The following PGLYRP2 variants were observed in gnomAD, a reference collection of about 807,000 sequenced individuals.
PGLYRP2 encodes peptidoglycan recognition protein 2, also known as N-acetylmuramoyl-L-alanine amidase.
In PGLYRP2, 38 loss-of-function variants were observed where a neutral mutation model predicts 46.2. The observed-to-expected ratio is 0.82, with a 90% confidence interval of 0.64 to 1.08. The LOEUF (loss-of-function observed/expected upper bound fraction) is 1.08, where lower values mean the gene tolerates loss of function less well. PGLYRP2 is among the 50% of genes least tolerant of loss of function. The pLI, the probability that PGLYRP2 is intolerant of heterozygous loss-of-function variation, is 0.00. For missense variants in PGLYRP2, 713 were observed against 755.9 expected (o/e 0.94, Z 0.67); for synonymous variants, 289 against 329.4 (o/e 0.88, Z 1.33).
At chr19:15,470,304 C>CT (rs145256914) in intron 3 of PGLYRP2, among the ~76,000 whole-genome samples, 5,871 of 118,032 alleles carry the variant, frequency 0.05, 301 homozygotes, top group African/African-American at 0.072. Context: ...TTCTTTCTTT[C>CT]TTTCTTTTTT....
At chr19:15,478,354 A>G (rs75622732) in intron 1 of PGLYRP2, among the ~76,000 whole-genome samples, 22,351 of 152,072 alleles carry the variant, frequency 0.15, 1,796 homozygotes, top group Non-Finnish European at 0.18. Flanking sequence ...CTAAAAAACA[A>G]AAAAAAAGAA....
intron 3 of PGLYRP2, among the ~76,000 whole-genome samples, 191 bp downstream of exon 3, chr19:15,471,699 G>T (rs988608570): frequency 6.6e-6 from 1 of 152,040 alleles, no homozygotes; most frequent in Non-Finnish European, 1.5e-5. Context: ...AGCTATTCCC[G>T]GTCCCTATTA....
At position 15,469,519 on chromosome 19, in the gene PGLYRP2, G is replaced by A; in HGVS notation, c.1641+113C>T. 1 of 1,419,182 alleles carries A rather than the reference G, an allele frequency of 7.0e-7. No homozygotes were observed. The highest frequency in any genetic ancestry group is 9.6e-7 in the Non-Finnish European group (1 of 1,039,122). 87.9% of individuals were successfully genotyped at this position (1,419,182 alleles called of 1,614,324 possible). On this transcript the variant is annotated intron_variant, in intron 4 of 4. Transcript: ENST00000340880. This position sits in a 1 kb window ranked among gnomAD's most constrained non-coding sequence, Gnocchi z 4.9. The stretch of plus-strand genomic sequence containing the variant: ...ATAGACGTGCCGCCGGGAAGTTGGG[G>A]GCCTGGCTGAGGCTGTGCGGGCACA...
rs765847011 is a variant in PGLYRP2 at position 15,476,474 on chromosome 19, G to A, written c.196C>T (p.Leu66Phe). Residue 66 changes from leucine (L) to phenylalanine (F), a missense_variant, in exon 2 of 5, where the codon CTC becomes TTC. Leu to Phe is a conservative substitution (Grantham distance 22). Coordinates refer to ENST00000340880, the MANE Select transcript of PGLYRP2 (RefSeq NM_052890.4). ...CATGCCCCCAGCAGGAAGTGGTAGAGGCGATTGTGGGGGCCAGAGTTTGGA... is the reference window on the plus strand; with the variant it reads ...CATGCCCCCAGCAGGAAGTGGTAGAAGCGATTGTGGGGGCCAGAGTTTGGA... ...SAPNSGPHNR[L>F]YHFLLGAWSL... is the part of the protein sequence containing the mutation. The A allele has an allele frequency of 1.2e-6, 2 of 1,614,204 alleles. No individual in the cohort carries two copies. The highest frequency in any genetic ancestry group is 1.6e-4 in the Middle Eastern group (1 of 6,062).
Position 15,469,113 on chromosome 19 carries a change from A to G in PGLYRP2, c.1642-361T>C. The G allele has an allele frequency of 1.9e-6, 1 of 532,512 alleles. No homozygotes were observed. Among genetic ancestry groups the G allele is most frequent in the Non-Finnish European group, 3.3e-6 (1 of 300,216 alleles). The allele number at this position is 532,512 out of a possible 1,614,324, so 33.0% of individuals were successfully genotyped here. A position where few individuals can be genotyped will look rare whatever the true frequency, so the allele number is the denominator to read the frequency against. On this transcript the variant is annotated intron_variant, in intron 4 of 4. Transcript: ENST00000340880. The surrounding 1 kb of genome is among the most constrained non-coding windows in gnomAD (Gnocchi z 4.9). ...AGAGTTGAGATTGTCTGGACAGAGA[A>G]TTGCAACACAGGATTAAGGACTGGA...
rs1970727748 is a variant in PGLYRP2 at position 15,469,850 on chromosome 19, A to T, written c.1423T>A (p.Ser475Thr). 1 of 1,521,806 alleles carries T rather than the reference A, an allele frequency of 6.6e-7. No individual in the cohort carries two copies. Among genetic ancestry groups the T allele is most frequent in the Non-Finnish European group, 8.7e-7 (1 of 1,145,750 alleles). The allele number at this position is 1,521,806 out of a possible 1,614,324, so 94.3% of individuals were successfully genotyped here. Residue 475 changes from serine (S) to threonine (T), a missense_variant, in exon 4 of 5, where the codon TCC (serine) becomes ACC (threonine). Physicochemically the swap from Ser to Thr is moderately conservative, Grantham distance 58. Coordinates refer to ENST00000340880, the MANE Select transcript of PGLYRP2 (RefSeq NM_052890.4). The surrounding 1 kb of genome is among the most constrained non-coding windows in gnomAD (Gnocchi z 4.9). Reference sequence around the variant, plus strand: ...ACTATGGCCACGCCGAAGCCCCGGGAGTTGTGGCCGAGCGTGTGGGCGCCC... The same window carrying T: ...ACTATGGCCACGCCGAAGCCCCGGGTGTTGTGGCCGAGCGTGTGGGCGCCC... Reference protein sequence around the residue: ...WVGAHTLGHNSRGFGVAIVGN... With the variant: ...WVGAHTLGHNTRGFGVAIVGN...
At chr19:15,479,272 C>T (rs1338941145) in intron 1 of PGLYRP2, 39 bp downstream of exon 1, 5 of 1,608,944 alleles carry the variant, frequency 3.1e-6, no homozygotes, top group South Asian at 2.2e-5. Context: ...TTCTGCAGAG[C>T]CAAGAGGTTT....
intron 2 of PGLYRP2, among the ~76,000 whole-genome samples, chr19:15,474,048 GAC>G (rs1386216421): frequency 6.6e-6 from 1 of 152,060 alleles, no homozygotes; most frequent in Non-Finnish European, 1.5e-5. Flanking sequence ...TTATTAAAAA[GAC>G]AGAAAAGCCG....
chr19:15,470,239 T>TC (rs1568340196), intron 3 of PGLYRP2, among the ~76,000 whole-genome samples: 24 of 130,552 alleles, frequency 1.8e-4, no homozygotes, highest in African/African-American at 2.8e-5. Flanking sequence ...GGGTTTTTTT[T>TC]CTTTCCTTCC....
Position 15,475,999 on chromosome 19 carries a change from G to A in PGLYRP2, c.671C>T (p.Ala224Val). 6.2e-7 allele frequency: 1 copy of A among 1,614,190 alleles called. No homozygotes were observed. Among genetic ancestry groups the A allele is most frequent in the Non-Finnish European group, 8.5e-7 (1 of 1,180,034 alleles). ...GAGGAAGGTCAGGCCCAGGTTTCCA[G>A]CCAGGGTGACTGCCAGGAGGCTGTC... The part of the protein sequence containing the change: ...MVDSLLAVTL[A>V]GNLGLTFLRG... The change falls in exon 2 of 5, where the codon GCT (alanine) becomes GTT (valine). Residue 224 changes from alanine to valine, a missense_variant. Physicochemically the swap from Ala to Val is moderately conservative, Grantham distance 64. Transcript: ENST00000340880.
At position 15,469,789 on chromosome 19, in the gene PGLYRP2, G is replaced by A. The variant is rs1178709822; in HGVS notation, c.1484C>T (p.Ala495Val). The part of the protein sequence containing the change: ...NYTAALPTEA[A>V]LRTVRDTLPS... ...GAGCGTGTCGCGCACCGTGCGCAGA[G>A]CGGCCTCGGTGGGCAGCGCCGCGGT... Residue 495 changes from alanine to valine, a missense_variant, in exon 4 of 5, where the codon GCT becomes GTT. Ala to Val is a moderately conservative substitution (Grantham distance 64, BLOSUM62 0). Coordinates refer to ENST00000340880, the MANE Select transcript of PGLYRP2 (RefSeq NM_052890.4). This position sits in a 1 kb window ranked among gnomAD's most constrained non-coding sequence, Gnocchi z 4.9. 1 of 1,513,438 alleles carries A rather than the reference G, an allele frequency of 6.6e-7. No individual in the cohort carries two copies. Among genetic ancestry groups the A allele is most frequent in the African/African-American group, 1.4e-5 (1 of 69,792 alleles). 93.8% of individuals were successfully genotyped at this position (1,513,438 alleles called of 1,614,324 possible).
At chr19:15,476,846 C>T (rs772689294) in intron 1 of PGLYRP2, among the ~76,000 whole-genome samples, 3 of 152,118 alleles carry the variant, frequency 2.0e-5, no homozygotes, top group Non-Finnish European at 4.4e-5. Context: ...AGAGGTGTGA[C>T]GAACCTGGCA....
At chr19:15,470,413 C>T (rs1970737369) in intron 3 of PGLYRP2, among the ~76,000 whole-genome samples, 1 of 151,724 alleles carries the variant, frequency 6.6e-6, no homozygotes, top group Non-Finnish European at 1.5e-5. Context: ...TCTCCTGCCT[C>T]AGCCTCCGGA....
rs1315041519 is a variant in PGLYRP2, at chr19:15,469,499, C to A, written c.1641+133G>T. 7.1e-6 allele frequency: 9 copies of A among 1,265,434 alleles called. No individual in the cohort carries two copies. The highest frequency in any genetic ancestry group is 1.0e-5 in the Non-Finnish European group (9 of 898,646). 78.4% of individuals were successfully genotyped at this position (1,265,434 alleles called of 1,614,324 possible). ...GCTGGGCCTAGGTTTCCTGAATAGA[C>A]GTGCCGCCGGGAAGTTGGGGGCCTG... is the stretch of plus-strand genomic sequence containing the variant. On this transcript the variant is annotated intron_variant, in intron 4 of 4. Coordinates refer to ENST00000340880, the MANE Select transcript of PGLYRP2 (RefSeq NM_052890.4). This position sits in a 1 kb window ranked among gnomAD's most constrained non-coding sequence, Gnocchi z 4.9.
At chr19:15,477,485 G>T (rs556221846) in intron 1 of PGLYRP2, among the ~76,000 whole-genome samples, 99 of 151,208 alleles carry the variant, frequency 6.5e-4, no homozygotes, top group African/African-American at 2.3e-3. Context: ...ATCACCTGAG[G>T]TCGGGAGCTC....
intron 2 of PGLYRP2, among the ~76,000 whole-genome samples, chr19:15,472,669 G>A (rs961913400): frequency 1.5e-4 from 23 of 152,188 alleles, no homozygotes; most frequent in Admixed American, 4.6e-4. Context: ...GGGAGGCGAG[G>A]TGGGTGGATT....
chr19:15,472,509 C>T (rs906959885), intron 2 of PGLYRP2, among the ~76,000 whole-genome samples: 16 of 152,110 alleles, frequency 1.1e-4, no homozygotes, highest in African/African-American at 3.9e-4. Context: ...AGACAACTTG[C>T]TTGAGCCTGG....
At chr19:15,473,826 GAAAGAAAGAAAGAA>G (rs942503483) in intron 2 of PGLYRP2, among the ~76,000 whole-genome samples, 38 of 140,960 alleles carry the variant, frequency 2.7e-4, no homozygotes, top group Non-Finnish European at 5.3e-4. Flanking sequence ...AGAAAAGAAA[GAAAGAAAGAAAGAA>G]AAAGAAAGAA....
At chr19:15,475,453 T>G in intron 2 of PGLYRP2, 85 bp downstream of exon 2, 1 of 1,330,992 alleles carries the variant, frequency 7.5e-7, no homozygotes, top group Non-Finnish European at 1.0e-6. Flanking sequence ...TGGACTCTCC[T>G]AGTCCTCAAC....
Sources: gnomAD v4.1 joint callset for allele counts (sites outside exome capture counted in the v4.1 genomes callset) on GRCh38, gnomAD v4.1.1 for gene constraint, Gnocchi (gnomAD v3.1) non-coding constraint, MANE v1.5 for transcripts, NCBI Gene and HGNC (gene_info 2026-07-23, HGNC 2026-07-21) for gene names.